EPC2: variants seen among roughly 807,000 people sequenced by gnomAD.
EPC2 encodes the protein enhancer of polycomb homolog 2.
A neutral mutation model predicts 92.1 loss-of-function variants in EPC2; 14 were observed. That is an observed-to-expected ratio of 0.15 (90% CI 0.10 to 0.24). The LOEUF (loss-of-function observed/expected upper bound fraction) is 0.24, where lower values mean the gene tolerates loss of function less well. Ranked by LOEUF, EPC2 falls within the 10% of genes least tolerant of loss-of-function variation. EPC2 has a pLI of 1.00. For synonymous variants in EPC2, 340 were observed against 334.7 expected, an observed-to-expected ratio of 1.02 and a Z score of -0.17; for missense variants, 755 against 971.5, an observed-to-expected ratio of 0.78 and a Z score of 2.96.
intron 2 of EPC2, among the ~76,000 whole-genome samples, chr2:148,725,757 GT>G (rs1240333786): frequency 6.6e-6 from 1 of 151,854 alleles, no homozygotes; most frequent in African/African-American, 2.4e-5. Context: ...GGGTATACTT[GT>G]TTCCTCATGA....
chr2:148,749,493 C>A, intron 3 of EPC2, among the ~76,000 whole-genome samples: 1 of 145,008 alleles, frequency 6.9e-6, no homozygotes, highest in East Asian at 2.0e-4. Flanking sequence ...TTTTTTTTTT[C>A]ATCATGCAGC....
chr2:148,776,628 A>G lies in EPC2; in HGVS notation c.1721-5016A>G, dbSNP rs556615983. ...TCTAACCCAGAGGATTTGATGTAAGATCCCTCTCTCTACCCTTTAATCCTG... is the reference window on the plus strand; with the variant it reads ...TCTAACCCAGAGGATTTGATGTAAGGTCCCTCTCTCTACCCTTTAATCCTG... On this transcript the variant is annotated intron_variant, in intron 10 of 13. Coordinates refer to ENST00000258484, the MANE Select transcript of EPC2 (RefSeq NM_015630.4). Among the ~76,000 whole-genome samples the G allele has an allele frequency of 2.0e-5, 3 of 152,278 alleles. No homozygotes were observed. The South Asian group carries it at 6.2e-4, about 32-fold the overall frequency.
intron 2 of EPC2, among the ~76,000 whole-genome samples, chr2:148,738,077 T>C (rs1315757200): frequency 6.6e-6 from 1 of 152,232 alleles, no homozygotes; most frequent in Non-Finnish European, 1.5e-5. Flanking sequence ...ATTTAATTGA[T>C]GGTTCTCACT....
intron 2 of EPC2, among the ~76,000 whole-genome samples, chr2:148,731,653 C>T (rs1682633147): frequency 6.6e-6 from 1 of 152,180 alleles, no homozygotes; most frequent in African/African-American, 2.4e-5. Flanking sequence ...CCGCCTGCCT[C>T]AGCCTCCCAA....
intron 2 of EPC2, among the ~76,000 whole-genome samples, chr2:148,703,861 C>T (rs1681936149): frequency 6.6e-6 from 1 of 152,114 alleles, no homozygotes; most frequent in Admixed American, 6.5e-5. Flanking sequence ...TGCATTATAC[C>T]ACCTCATACC....
intron 1 of EPC2, among the ~76,000 whole-genome samples, chr2:148,659,837 G>A (rs1357969215): frequency 6.6e-6 from 1 of 152,128 alleles, no homozygotes; most frequent in African/African-American, 2.4e-5. Context: ...ACACAGCACA[G>A]GAAGGTGCTG....
intron 1 of EPC2, among the ~76,000 whole-genome samples, chr2:148,646,433 G>A (rs1333077728): frequency 1.3e-5 from 2 of 152,028 alleles, no homozygotes; most frequent in Non-Finnish European, 2.9e-5. Flanking sequence ...GTAGCATCGG[G>A]ATGAACTTAA....
At chr2:148,687,252 A>G (rs1159280359) in intron 1 of EPC2, among the ~76,000 whole-genome samples, 2 of 152,162 alleles carry the variant, frequency 1.3e-5, no homozygotes, top group African/African-American at 4.8e-5. Flanking sequence ...CTCAGCCTTC[A>G]TAGAATTGAA....
chr2:148,747,751 C>G (rs913768780), intron 3 of EPC2, among the ~76,000 whole-genome samples: 3 of 152,182 alleles, frequency 2.0e-5, no homozygotes, highest in East Asian at 3.9e-4. Context: ...CTTCTTTCTT[C>G]ATCTCCTCTT....
chr2:148,730,932 A>T (rs1416961555), intron 2 of EPC2, among the ~76,000 whole-genome samples: 1 of 152,144 alleles, frequency 6.6e-6, no homozygotes, highest in African/African-American at 2.4e-5. Context: ...TATGGTCCTG[A>T]ATATTTGTTC....
chr2:148,747,417 A>G (rs532141409), intron 3 of EPC2, among the ~76,000 whole-genome samples: 97 of 151,808 alleles, frequency 6.4e-4, no homozygotes, highest in African/African-American at 1.8e-3. Context: ...CATTTCTTCA[A>G]TCTTTCTCTT....
chr2:148,672,374 G>C (rs1208434364), intron 1 of EPC2, among the ~76,000 whole-genome samples: 1 of 152,060 alleles, frequency 6.6e-6, no homozygotes, highest in Non-Finnish European at 1.5e-5. Flanking sequence ...ATAGCATGTG[G>C]TCGGAGTCTT....
intron 1 of EPC2, among the ~76,000 whole-genome samples, chr2:148,665,589 T>C (rs1048532852): frequency 6.6e-6 from 1 of 152,230 alleles, no homozygotes; most frequent in African/African-American, 2.4e-5. Context: ...ATACAACTTA[T>C]AATTAAGTTT....
At chr2:148,682,353 T>C (rs1288986726) in intron 1 of EPC2, among the ~76,000 whole-genome samples, 1 of 152,198 alleles carries the variant, frequency 6.6e-6, no homozygotes, top group Non-Finnish European at 1.5e-5. Context: ...GTAAAAGCAT[T>C]CCTATTTCTC....
At chr2:148,762,966 A>G (rs1258115287) in intron 6 of EPC2, among the ~76,000 whole-genome samples, 164 bp downstream of exon 6, 3 of 152,128 alleles carry the variant, frequency 2.0e-5, no homozygotes, top group Non-Finnish European at 1.5e-5. Context: ...TTATATACAT[A>G]CTGACCAATT....
chr2:148,698,694 C>CTTTT (rs386355296), intron 2 of EPC2, among the ~76,000 whole-genome samples: 8,173 of 88,128 alleles, frequency 0.093, 756 homozygotes, highest in East Asian at 0.33. Context: ...AGAAAGTAAG[C>CTTTT]TTTTTTTTTT....
At chr2:148,720,322 A>G (rs1453395720) in intron 2 of EPC2, among the ~76,000 whole-genome samples, 1 of 152,218 alleles carries the variant, frequency 6.6e-6, no homozygotes, top group African/African-American at 2.4e-5. Flanking sequence ...ACCAAACAGC[A>G]GAGATGGTGC....
At position 148,682,885 on chromosome 2, in the gene EPC2, T is replaced by C. The variant is rs577287295; in HGVS notation, c.154-7329T>C. Among the ~76,000 whole-genome samples, 3 of 152,292 alleles carry C rather than the reference T, an allele frequency of 2.0e-5. No homozygotes were observed. The South Asian group carries it at 6.2e-4, about 32-fold the overall frequency. ...TGTTCTCTCTCTGCTACTCCCATTCTTTTCTCTACCCTCTCAGGCAACCAA... is the reference window on the plus strand; with the variant it reads ...TGTTCTCTCTCTGCTACTCCCATTCCTTTCTCTACCCTCTCAGGCAACCAA... On this transcript the variant is annotated intron_variant, in intron 1 of 13. Coordinates refer to ENST00000258484, the MANE Select transcript of EPC2 (RefSeq NM_015630.4).
At chr2:148,769,611 G>A (rs1348595735) in intron 8 of EPC2, among the ~76,000 whole-genome samples, 5 of 152,076 alleles carry the variant, frequency 3.3e-5, no homozygotes, top group Non-Finnish European at 2.9e-5. Flanking sequence ...TTATTGTTAT[G>A]CAAGCCCATC....
Sources: allele counts gnomAD v4.1 joint callset (sites outside exome capture counted in the v4.1 genomes callset), GRCh38; gene constraint gnomAD v4.1.1; transcripts MANE v1.5; gene names NCBI Gene and HGNC (gene_info 2026-07-23, HGNC 2026-07-21).